The following PTPRF variants were observed in gnomAD, a reference collection of about 807,000 sequenced individuals.
PTPRF encodes the protein protein tyrosine phosphatase receptor type F, also known as receptor-type tyrosine-protein phosphatase F.
PTPRF carries 59 observed loss-of-function variants against 201.8 expected under a neutral mutation model. That is an observed-to-expected ratio of 0.29 (90% CI 0.24 to 0.36). The LOEUF is 0.36. Among genes scored for constraint, PTPRF ranks in the 10% least tolerant of loss-of-function variants. The pLI is 1.00. For missense variants in PTPRF, 2,132 were observed against 2,690.5 expected (o/e 0.79, Z 4.59); for synonymous variants, 1,088 against 1,089.7 (o/e 1.00, Z 0.03).
chr1:43,589,005 G>A lies in PTPRF; in HGVS notation c.949+5G>A, dbSNP rs540153232. On this transcript the variant is annotated splice_donor_5th_base_variant and intron_variant, in intron 8 of 33. Transcript: ENST00000359947. The stretch of plus-strand genomic sequence containing the variant: ...CAGCCCAGGTCACAGTGAAAGGTGA[G>A]TGTGGCAGGTGCTGTAACCAGTGCC... 8 of 1,541,984 alleles carry A rather than the reference G, an allele frequency of 5.2e-6. No homozygotes were observed. In the Admixed American group the frequency reaches 5.5e-5, roughly 11 times the overall value.
At chr1:43,591,791 G>A in intron 9 of PTPRF, 21 bp from the exon 10 acceptor site, 1 of 1,612,358 alleles carries the variant, frequency 6.2e-7, no homozygotes, top group East Asian at 2.2e-5. Flanking sequence ...AGGCTGACCT[G>A]CCTGGTGTGG....
chr1:43,591,575 GGGCAGCCAACA>G, intron 9 of PTPRF, 22 bp downstream of exon 9: 1 of 1,536,668 alleles, frequency 6.5e-7, no homozygotes, highest in East Asian at 2.4e-5. Context: ...CATGCCGGCT[GGGCAGCCAACA>G]GCAGAGAAGG....
At position 43,618,611 on chromosome 1, in the gene PTPRF, C is replaced by T; in HGVS notation, c.4372-19C>T. ...AGCCTGTGGGCTTCCTTCAGCCTGCCCTGCTCATCCTCCTGCAGGTAAAAT... is the reference window on the plus strand; with the variant it reads ...AGCCTGTGGGCTTCCTTCAGCCTGCTCTGCTCATCCTCCTGCAGGTAAAAT... On this transcript the variant is annotated intron_variant, in intron 25 of 33. Transcript: ENST00000359947. 1.3e-6 allele frequency: 2 copies of T among 1,588,838 alleles called. No individual in the cohort carries two copies. Among genetic ancestry groups the T allele is most frequent in the Non-Finnish European group, 1.7e-6 (2 of 1,159,536 alleles).
chr1:43,531,268 C>A (rs1303642816), intron 1 of PTPRF, among the ~76,000 whole-genome samples, 178 bp downstream of exon 1: 1 of 149,430 alleles, frequency 6.7e-6, no homozygotes, highest in Non-Finnish European at 1.5e-5. Context: ...GAAGCCCCCC[C>A]TCCACGCCCC....
At position 43,554,007 on chromosome 1, in the gene PTPRF, C is replaced by G. The variant is rs901496688; in HGVS notation, c.379+66C>G. 2 of 1,588,726 alleles carry G rather than the reference C, an allele frequency of 1.3e-6. No individual in the cohort carries two copies. The highest frequency in any genetic ancestry group is 2.3e-5 in the East Asian group (1 of 44,394). On this transcript the variant is annotated intron_variant, in intron 5 of 33. Transcript: ENST00000359947. The surrounding 1 kb of genome is among the most constrained non-coding windows in gnomAD (Gnocchi z 4.1). ...GAGGCGTGGGAAGAGCCAGCCAGCC[C>G]TGATCCTGTCCTGGGCCCATGTGCA...
intron 29 of PTPRF, 108 bp from the exon 30 acceptor site, chr1:43,619,987 T>C: frequency 6.4e-7 from 1 of 1,568,626 alleles, no homozygotes. Flanking sequence ...AGTGAGGACT[T>C]CCTGGAGGAG....
chr1:43,566,912 CTGAGGGCG>C (rs1315914580), intron 5 of PTPRF, among the ~76,000 whole-genome samples: 2 of 152,174 alleles, frequency 1.3e-5, no homozygotes, highest in African/African-American at 4.8e-5. Context: ...GACAGAGCCA[CTGAGGGCG>C]TGATAATTGA....
chr1:43,597,725 TCCCC>T lies in PTPRF; in HGVS notation c.1814-19_1814-16del. On this transcript the variant is annotated intron_variant, in intron 11 of 33. Coordinates refer to ENST00000359947, the MANE Select transcript of PTPRF (RefSeq NM_002840.5). ...GATCCCCACCCTCCATCTGCTTGCT[TCCCC>T]CCCATTTGTCTTCCCCAGCCCCCTC... 7.3e-7 allele frequency: 1 copy of T among 1,376,558 alleles called. No homozygotes were observed. The highest frequency in any genetic ancestry group is 1.0e-6 in the Non-Finnish European group (1 of 992,240). 85.3% of individuals were successfully genotyped at this position (1,376,558 alleles called of 1,614,324 possible).
At chr1:43,607,602 T>C (rs760925201) in intron 21 of PTPRF, among the ~76,000 whole-genome samples, 10 of 152,230 alleles carry the variant, frequency 6.6e-5, no homozygotes. Context: ...ACTTTGTCAC[T>C]CTCAGTTTAA....
intron 33 of PTPRF, 119 bp downstream of exon 33, chr1:43,621,351 A>T (rs1659173832): frequency 7.4e-7 from 1 of 1,357,090 alleles, no homozygotes; most frequent in South Asian, 1.4e-5. Context: ...CCAACCTTTC[A>T]CGTGGCCTGC....
rs1654442393 is a variant in PTPRF at position 43,604,023 on chromosome 1, C to G, written c.2871C>G (p.Asp957Glu). 3.1e-6 allele frequency: 5 copies of G among 1,614,244 alleles called. No individual in the cohort carries two copies. The highest frequency in any genetic ancestry group is 1.1e-5 in the South Asian group (1 of 91,090). ...TCAGCTACACCGTGGTGTTCCGAGA[C>G]ATCAACAGCCAACAGGAGCTGCAGA... ...RIISYTVVFRDINSQQELQNI... is the reference protein window; with the variant it reads ...RIISYTVVFREINSQQELQNI... Residue 957 changes from aspartate to glutamate, a missense_variant, in exon 16 of 34, where the codon GAC (aspartate) becomes GAG (glutamate). By Grantham distance (45) the Asp-to-Glu change is conservative. Coordinates refer to ENST00000359947, the MANE Select transcript of PTPRF (RefSeq NM_002840.5).
chr1:43,612,757 T>G (rs764017927), intron 22 of PTPRF: 1 of 1,365,272 alleles, frequency 7.3e-7, no homozygotes, highest in South Asian at 1.1e-5. Context: ...TGTTTGTTTT[T>G]TTCTCTGCAG....
rs571268408 is a variant in PTPRF, at chr1:43,601,370, G to A, written c.2314-701G>A. On this transcript the variant is annotated intron_variant, in intron 13 of 33. Coordinates refer to ENST00000359947, the MANE Select transcript of PTPRF (RefSeq NM_002840.5). ...TCCTACCTTAATCCTCAGACACCCC[G>A]AGGAAGGAACGGGTATAGGTGATTT... Among the ~76,000 whole-genome samples, 466 of 152,334 alleles carry A rather than the reference G, an allele frequency of 3.1e-3. 6 individuals are homozygous for A. The highest frequency in any genetic ancestry group is 0.01 in the African/African-American group (434 of 41,578).
At chr1:43,545,267 G>A (rs990056470) in intron 3 of PTPRF, 101 bp downstream of exon 3, 22 of 1,291,958 alleles carry the variant, frequency 1.7e-5, no homozygotes, top group Non-Finnish European at 2.1e-5. Flanking sequence ...AGGAGAGACA[G>A]GGTGGCCAGA....
intron 19 of PTPRF, among the ~76,000 whole-genome samples, chr1:43,606,010 T>C (rs1433524157): frequency 6.6e-6 from 1 of 152,166 alleles, no homozygotes; most frequent in African/African-American, 2.4e-5. Flanking sequence ...GGCAACAGCC[T>C]GGTTAGGGTG....
intron 22 of PTPRF, among the ~76,000 whole-genome samples, chr1:43,611,261 A>G (rs1034493174): frequency 1.9e-4 from 29 of 152,166 alleles, no homozygotes; most frequent in Non-Finnish European, 1.9e-4. Context: ...TAGATCTCTG[A>G]AGAATCAAGC....
intron 23 of PTPRF, 85 bp from the exon 24 acceptor site, chr1:43,617,360 C>T: frequency 3.2e-6 from 5 of 1,565,638 alleles, no homozygotes; most frequent in Non-Finnish European, 4.4e-6. Flanking sequence ...ATGTGAGCAT[C>T]ACCGGGAAGG....
At chr1:43,547,217 G>A (rs1278693757) in intron 3 of PTPRF, among the ~76,000 whole-genome samples, 1 of 152,036 alleles carries the variant, frequency 6.6e-6, no homozygotes, top group African/African-American at 2.4e-5. Context: ...ACTTCTTTCA[G>A]TGGTTCACCA....
intron 12 of PTPRF, chr1:43,598,361 C>T: frequency 2.2e-6 from 1 of 459,362 alleles, no homozygotes. Flanking sequence ...ATCAGCAAGA[C>T]TCCACGTTGG....
Sources: gnomAD v4.1 joint callset for allele counts (sites outside exome capture counted in the v4.1 genomes callset) on GRCh38, gnomAD v4.1.1 for gene constraint, Gnocchi (gnomAD v3.1) non-coding constraint, MANE v1.5 for transcripts, NCBI Gene and HGNC (gene_info 2026-07-23, HGNC 2026-07-21) for gene names.